Variants in TENM2 observed in about 807,000 individuals in gnomAD.
TENM2 encodes teneurin transmembrane protein 2, also known as teneurin-2.
TENM2 carries 52 observed loss-of-function variants against 245.2 expected under a neutral mutation model. The observed-to-expected ratio is 0.21, with a 90% CI of 0.17 to 0.27. The LOEUF (loss-of-function observed/expected upper bound fraction) is 0.27. Ranked by LOEUF, TENM2 falls within the 10% of genes least tolerant of loss-of-function variation. The pLI, the probability that TENM2 is intolerant of heterozygous loss-of-function variation, is 1.00. For synonymous variants in TENM2, 1,363 were observed against 1,438.9 expected (o/e 0.95, Z 1.19); for missense variants, 3,046 against 3,666.8 (o/e 0.83, Z 4.37).
chr5:167,850,451 A>C (rs1190612017), intron 2 of TENM2, among the ~76,000 whole-genome samples: 1 of 152,176 alleles, frequency 6.6e-6, no homozygotes, highest in Admixed American at 6.5e-5. Flanking sequence ...ACTAGGACTT[A>C]GGTGTACTAG....
chr5:168,066,671 C>A (rs1790532783), intron 7 of TENM2, among the ~76,000 whole-genome samples: 1 of 151,982 alleles, frequency 6.6e-6, no homozygotes, highest in Non-Finnish European at 1.5e-5. Flanking sequence ...TGACTTCATG[C>A]ATTGCATTTT....
At chr5:167,529,989 T>C (rs765327078) in intron 2 of TENM2, among the ~76,000 whole-genome samples, 4 of 152,122 alleles carry the variant, frequency 2.6e-5, no homozygotes, top group Non-Finnish European at 4.4e-5. Flanking sequence ...CAAAGAAAAA[T>C]AGATGTTCCT....
chr5:167,278,425 C>T, the TENM2 span, among the ~76,000 whole-genome samples: 10 of 152,104 alleles, frequency 6.6e-5, no homozygotes, highest in Admixed American at 4.6e-4. Flanking sequence ...TTTAAAAAAG[C>T]ATTGCTATTT....
chr5:167,075,909 A>G, the TENM2 span, among the ~76,000 whole-genome samples: 27,364 of 152,132 alleles, frequency 0.18, 3,397 homozygotes, highest in East Asian at 0.41. Context: ...TCTGAGCTCT[A>G]GTAGAATAAA....
the TENM2 span, among the ~76,000 whole-genome samples, chr5:167,190,885 TATTA>T: frequency 6.6e-6 from 1 of 152,128 alleles, no homozygotes; most frequent in Non-Finnish European, 1.5e-5. Context: ...TGTATGAACT[TATTA>T]ATCATTTGTG....
intron 2 of TENM2, among the ~76,000 whole-genome samples, chr5:167,645,406 G>A (rs279398): frequency 0.023 from 3,576 of 152,188 alleles, 134 homozygotes; most frequent in East Asian, 0.16. Context: ...GAGGAAAGGT[G>A]TGGAGTTGCC....
chr5:167,866,688 G>A (rs1561873428), intron 2 of TENM2, among the ~76,000 whole-genome samples: 1 of 152,060 alleles, frequency 6.6e-6, no homozygotes, highest in Non-Finnish European at 1.5e-5. Flanking sequence ...GGAAAGCCTT[G>A]GGAAAGTTGA....
At chr5:167,873,419 G>A (rs1217357571) in intron 2 of TENM2, among the ~76,000 whole-genome samples, 1 of 152,140 alleles carries the variant, frequency 6.6e-6, no homozygotes, top group Non-Finnish European at 1.5e-5. Flanking sequence ...GTTAGAGGGT[G>A]AACTTTGAAA....
chr5:167,248,837 A>G, the TENM2 span, among the ~76,000 whole-genome samples: 4 of 151,984 alleles, frequency 2.6e-5, no homozygotes, highest in African/African-American at 7.3e-5. Context: ...TGATATTTCA[A>G]AGTTCTTGAC....
intron 28 of TENM2, 72 bp downstream of exon 30, chr5:168,260,485 G>T (rs1768083386): frequency 1.3e-6 from 2 of 1,565,968 alleles, no homozygotes; most frequent in African/African-American, 1.3e-5. Context: ...CCTCATGGGA[G>T]CCAGGGGCAT....
At chr5:167,764,920 A>G (rs1762909242) in intron 2 of TENM2, among the ~76,000 whole-genome samples, 1 of 152,160 alleles carries the variant, frequency 6.6e-6, no homozygotes, top group Non-Finnish European at 1.5e-5. Flanking sequence ...GGGATATACC[A>G]CATTTTAGAG....
chr5:168,139,405 T>C, intron 12 of TENM2: 1 of 447,500 alleles, frequency 2.2e-6, no homozygotes, highest in East Asian at 7.0e-5. Context: ...TTTGAAAACC[T>C]TCAGATGCTT....
chr5:167,770,110 C>T lies in TENM2; in HGVS notation c.503-105876C>T, dbSNP rs562077285. ...GGATAGCACTAATATTTGTTGAGTT[C>T]TTACTATGTGTCAAGCTCTCCAGTC... On this transcript the variant is annotated intron_variant, in intron 2 of 28. Transcript: ENST00000518659. 2.6e-5 allele frequency among the ~76,000 whole-genome samples: 4 copies of T among 152,278 alleles called. No homozygotes were observed. The South Asian group carries it at 8.3e-4, about 32-fold the overall frequency.
At chr5:167,180,103 C>CTTTTTTTTTTTTTTTTTTTTTTTT in the TENM2 span, among the ~76,000 whole-genome samples, 17 of 114,954 alleles carry the variant, frequency 1.5e-4, no homozygotes, top group African/African-American at 7.2e-4. Context: ...TAAGTGCTTC[C>CTTTTTTTTTTTTTTTTTTTTTTTT]TTTTTTTTTT....
chr5:167,421,954 G>A (rs542423346), intron 2 of TENM2, among the ~76,000 whole-genome samples: 11 of 152,140 alleles, frequency 7.2e-5, no homozygotes, highest in African/African-American at 2.6e-4. Context: ...ACCACACCCA[G>A]CTAATATTTG....
intron 5 of TENM2, among the ~76,000 whole-genome samples, chr5:168,004,518 C>T (rs1398815081): frequency 1.2e-4 from 1 of 8,272 alleles, no homozygotes; most frequent in African/African-American, 2.7e-4. Flanking sequence ...CGCGCGCGCG[C>T]ACACACACAC....
chr5:168,246,784 C>T lies in TENM2; in HGVS notation c.5845C>T (p.Arg1949Cys), dbSNP rs141225541. Residue 1949 changes from arginine to cysteine, a missense_variant, in exon 27 of 29, where the codon CGT (arginine) becomes TGT (cysteine). Physicochemically the swap from Arg to Cys is radical, Grantham distance 180. This residue lies in a region of TENM2 where 2,704 missense variants were observed against 3,331.9 expected (regional missense o/e 0.81). Transcript: ENST00000518659. ...CATGGTCCTCCTGCTTCAGAGCCAACGTCAGTATATATTTGAGTATGACTC... is the reference window on the plus strand; with the variant it reads ...CATGGTCCTCCTGCTTCAGAGCCAATGTCAGTATATATTTGAGTATGACTC... The T allele has an allele frequency of 3.5e-5, 57 of 1,613,932 alleles. No homozygotes were observed. The highest frequency in any genetic ancestry group is 6.7e-5 in the East Asian group (3 of 44,864).
intron 3 of TENM2, among the ~76,000 whole-genome samples, chr5:167,928,254 C>A (rs926114102): frequency 1.3e-5 from 2 of 152,174 alleles, no homozygotes; most frequent in Non-Finnish European, 2.9e-5. Flanking sequence ...CCATTTCATT[C>A]TCACTCCAAC....
At chr5:168,141,744 G>C (rs1380836486) in intron 12 of TENM2, among the ~76,000 whole-genome samples, 2 of 152,082 alleles carry the variant, frequency 1.3e-5, no homozygotes, top group Non-Finnish European at 2.9e-5. Context: ...TTTTATTTTT[G>C]TTGCCTTGGG....
Sources: allele counts gnomAD v4.1 joint callset (sites outside exome capture counted in the v4.1 genomes callset), GRCh38; gene constraint gnomAD v4.1.1; regional missense constraint gnomAD v4.1.1; transcripts MANE v1.5; gene names NCBI Gene and HGNC (gene_info 2026-07-23, HGNC 2026-07-21).